GSDME: variants seen among roughly 807,000 people sequenced by gnomAD.
GSDME encodes the protein gasdermin-E.
Under a neutral mutation model 47.5 loss-of-function variants are expected in GSDME, and 44 were observed. The observed-to-expected ratio is 0.93, with a 90% CI of 0.73 to 1.19. GSDME has a LOEUF of 1.19. Ranked by LOEUF, GSDME falls within the 50% of genes most tolerant of loss-of-function variation. The pLI is 0.00. For missense variants in GSDME, 663 were observed against 604.2 expected (o/e 1.10, Z -1.02); for synonymous variants, 258 against 252.8 (o/e 1.02, Z -0.20).
chr7:24,760,480 C>T (rs3757652), upstream of GSDME, among the ~76,000 whole-genome samples: 20,083 of 152,204 alleles, frequency 0.13, 1,762 homozygotes, highest in East Asian at 0.43. The surrounding 1 kb of genome is among the most constrained non-coding windows in gnomAD (Gnocchi z 4.2). Context: ...AATTGTATAA[C>T]TTCCCATTTA....
chr7:24,711,713 G>T (rs1315423000), intron 5 of GSDME, among the ~76,000 whole-genome samples: 4 of 151,162 alleles, frequency 2.6e-5, no homozygotes, highest in African/African-American at 9.7e-5. Flanking sequence ...TGCTCTGGAG[G>T]CTAAGGTAGG....
At chr7:24,748,583 C>T (rs970601128) in intron 2 of GSDME, among the ~76,000 whole-genome samples, 1 of 152,092 alleles carries the variant, frequency 6.6e-6, no homozygotes, top group African/African-American at 2.4e-5. Context: ...CTTCTTCATC[C>T]CTTTCTATAT....
intron 3 of GSDME, among the ~76,000 whole-genome samples, chr7:24,734,495 A>T (rs917316875): frequency 5.9e-5 from 9 of 152,378 alleles, no homozygotes; most frequent in Middle Eastern, 6.8e-3. Context: ...GTGACCTTTC[A>T]AACAGAAAAT....
At chr7:24,737,238 A>G (rs1790338502) in intron 3 of GSDME, among the ~76,000 whole-genome samples, 1 of 152,010 alleles carries the variant, frequency 6.6e-6, no homozygotes, top group African/African-American at 2.4e-5. Context: ...AGATAAATGA[A>G]GTTGACAAAC....
Position 24,744,285 on chromosome 7 carries a change from C to T in GSDME, c.404+277G>A, listed in dbSNP as rs116218221. 4.0e-5 allele frequency: 19 copies of T among 470,036 alleles called. No homozygotes were observed. Among genetic ancestry groups the T allele is most frequent in the African/African-American group, 3.1e-4 (16 of 51,076 alleles). The allele number at this position is 470,036 out of a possible 1,614,324, so 29.1% of individuals were successfully genotyped here. The stretch of plus-strand genomic sequence containing the variant: ...TGCAGGACAGAGCATTTTTACCGTT[C>T]GCATTTTATAAATCATGTGATTGAA... On this transcript the variant is annotated intron_variant, in intron 3 of 9. Coordinates refer to ENST00000645220, the MANE Select transcript of GSDME (RefSeq NM_001127453.2). The surrounding 1 kb of genome is among the most constrained non-coding windows in gnomAD (Gnocchi z 4.5).
chr7:24,770,127 G>GT, the GSDME span, among the ~76,000 whole-genome samples: 1 of 152,212 alleles, frequency 6.6e-6, no homozygotes, highest in Non-Finnish European at 1.5e-5. This position sits in a 1 kb window ranked among gnomAD's most constrained non-coding sequence, Gnocchi z 4.6. Context: ...CCAAGCCCCA[G>GT]GGAGGGAAAA....
chr7:24,762,249 CAAAAA>C (rs11436239), upstream of GSDME, among the ~76,000 whole-genome samples: 6 of 131,414 alleles, frequency 4.6e-5, no homozygotes, highest in Non-Finnish European at 9.5e-5. Flanking sequence ...AACTGTGTGT[CAAAAA>C]AAAAAAAAAA....
upstream of GSDME, among the ~76,000 whole-genome samples, chr7:24,759,151 C>T (rs1415677497): frequency 6.6e-6 from 1 of 152,206 alleles, no homozygotes; most frequent in Admixed American, 6.5e-5. Context: ...TGTCAAGAGA[C>T]TTTTCATGTA....
At position 24,706,254 on chromosome 7, in the gene GSDME, A is replaced by C. The variant is rs1789096154; in HGVS notation, c.1113T>G (p.Cys371Trp). Residue 371 changes from cysteine (C) to tryptophan (W), a missense_variant, in exon 8 of 10, where the codon TGT (cysteine) becomes TGG (tryptophan). By Grantham distance (215) the Cys-to-Trp change is radical. Transcript: ENST00000645220. ...QLVGCSLQGGCPGPEDAGSKQ... is the reference protein window; with the variant it reads ...QLVGCSLQGGWPGPEDAGSKQ... ...TGCTGCCTGCATCCTCGGGGCCCGG[A>C]CACCCACCCTGTAAGCTGCACCCCA... The C allele has an allele frequency of 1.2e-6, 2 of 1,614,050 alleles. No homozygotes were observed. Among genetic ancestry groups the C allele is most frequent in the Non-Finnish European group, 1.7e-6 (2 of 1,180,040 alleles).
At chr7:24,753,604 A>G (rs1347475446) in intron 1 of GSDME, among the ~76,000 whole-genome samples, 1 of 152,246 alleles carries the variant, frequency 6.6e-6, no homozygotes, top group Non-Finnish European at 1.5e-5. Context: ...AGTCTGACCA[A>G]TAATGTACAA....
chr7:24,740,174 A>T (rs1214331741), intron 3 of GSDME, among the ~76,000 whole-genome samples: 1 of 152,086 alleles, frequency 6.6e-6, no homozygotes, highest in African/African-American at 2.4e-5. Context: ...AAAATAAACT[A>T]GGCACAGAAA....
At chr7:24,766,902 T>G in the GSDME span, among the ~76,000 whole-genome samples, 1 of 152,256 alleles carries the variant, frequency 6.6e-6, no homozygotes, top group Non-Finnish European at 1.5e-5. The surrounding 1 kb of genome is among the most constrained non-coding windows in gnomAD (Gnocchi z 4.2). Flanking sequence ...ACGGTTGACC[T>G]AATTTACACT....
intron 1 of GSDME, among the ~76,000 whole-genome samples, chr7:24,750,101 G>A (rs944598882): frequency 6.6e-6 from 1 of 152,200 alleles, no homozygotes; most frequent in African/African-American, 2.4e-5. Context: ...GTACAAGAGA[G>A]TTTTGTTTAT....
chr7:24,781,017 A>G, the GSDME span, among the ~76,000 whole-genome samples: 220 of 152,314 alleles, frequency 1.4e-3, 2 homozygotes, highest in African/African-American at 5.0e-3. Flanking sequence ...GTGGCCCATC[A>G]TGTTTCTTCA....
rs546959423 is a variant in GSDME, at chr7:24,710,306, A to G, written c.780T>C (p.Phe260=). Reference sequence around the variant, plus strand: ...GCATGTCTATGAATGCAAACTCTCGAAAGACCAGGGGGTCCAGGTAGACAG... The same window carrying G: ...GCATGTCTATGAATGCAAACTCTCGGAAGACCAGGGGGTCCAGGTAGACAG... ...IDSVYLDPLV[F]REFAFIDMPD... Residue 260 remains phenylalanine (F), a synonymous_variant, in exon 6 of 10, where the codon TTT becomes TTC. Transcript: ENST00000645220. The G allele has an allele frequency of 5.5e-5, 88 of 1,614,252 alleles. No homozygotes were observed. The East Asian group carries it at 6.2e-4, about 11-fold the overall frequency.
chr7:24,719,311 G>T (rs1789689768), intron 3 of GSDME, 93 bp from the exon 4 acceptor site: 2 of 1,348,812 alleles, frequency 1.5e-6, no homozygotes, highest in Non-Finnish European at 2.1e-6. Flanking sequence ...GCTGAGGAGT[G>T]AGCAGGTGAC....
the GSDME span, among the ~76,000 whole-genome samples, chr7:24,764,883 T>C: frequency 2.0e-5 from 3 of 152,244 alleles, no homozygotes; most frequent in Non-Finnish European, 4.4e-5. This position sits in a 1 kb window ranked among gnomAD's most constrained non-coding sequence, Gnocchi z 4.4. Context: ...ACAAATACTG[T>C]TGAGTGCCTA....
At chr7:24,734,014 A>G (rs1790223689) in intron 3 of GSDME, among the ~76,000 whole-genome samples, 1 of 152,228 alleles carries the variant, frequency 6.6e-6, no homozygotes, top group Non-Finnish European at 1.5e-5. Flanking sequence ...TGACCAGTGC[A>G]GTCCCAGTGG....
chr7:24,704,188 T>TA (rs1164303219), intron 8 of GSDME: 1 of 152,254 alleles, frequency 6.6e-6, no homozygotes, highest in African/African-American at 2.4e-5. Context: ...AAACATAGTA[T>TA]AAGCTTGTTA....
Sources: allele counts gnomAD v4.1 joint callset (sites outside exome capture counted in the v4.1 genomes callset), GRCh38; gene constraint gnomAD v4.1.1; non-coding constraint Gnocchi (gnomAD v3.1); transcripts MANE v1.5; gene names NCBI Gene and HGNC (gene_info 2026-07-23, HGNC 2026-07-21).